The following ZDHHC21 variants were observed in gnomAD, a reference collection of about 807,000 sequenced individuals.
ZDHHC21 encodes zDHHC palmitoyltransferase 21.
A neutral mutation model predicts 34.6 loss-of-function variants in ZDHHC21; 15 were observed. The observed-to-expected ratio is 0.43, with a 90% CI of 0.29 to 0.67. The LOEUF (loss-of-function observed/expected upper bound fraction) is 0.67. Ranked by LOEUF, ZDHHC21 falls within the 30% of genes least tolerant of loss-of-function variation. The probability of loss-of-function intolerance (pLI) is 0.14; values close to 1 mark genes in which losing one functional copy is unlikely to be tolerated. For synonymous variants in ZDHHC21, 142 were observed against 101.8 expected, an observed-to-expected ratio of 1.40 and a Z score of -2.38; for missense variants, 344 against 327.7, an observed-to-expected ratio of 1.05 and a Z score of -0.38.
intron 3 of ZDHHC21, among the ~76,000 whole-genome samples, chr9:14,676,386 T>A (rs565426095): frequency 1.6e-4 from 24 of 152,038 alleles, no homozygotes; most frequent in Non-Finnish European, 2.9e-4. Context: ...GCCTTGCCCA[T>A]GTTCTTCAAA....
intron 8 of ZDHHC21, among the ~76,000 whole-genome samples, chr9:14,628,074 G>A (rs922147632): frequency 6.6e-5 from 10 of 152,014 alleles, no homozygotes; most frequent in Admixed American, 1.3e-4. Context: ...GCACAAAAAC[G>A]TATATTTAAA....
At chr9:14,654,137 G>A (rs1831757660) in intron 7 of ZDHHC21, among the ~76,000 whole-genome samples, 1 of 151,908 alleles carries the variant, frequency 6.6e-6, no homozygotes, top group Admixed American at 6.6e-5. Flanking sequence ...GTAACTGTAG[G>A]GCACAATCCA....
the ZDHHC21 span, among the ~76,000 whole-genome samples, chr9:14,599,976 CAACA>C: frequency 1.3e-5 from 2 of 152,168 alleles, no homozygotes; most frequent in Non-Finnish European, 2.9e-5. Flanking sequence ...TAAAAACTCT[CAACA>C]AACTAGGTAT....
intron 2 of ZDHHC21, among the ~76,000 whole-genome samples, chr9:14,682,092 GA>G (rs1169339862): frequency 6.6e-6 from 1 of 152,074 alleles, no homozygotes; most frequent in Admixed American, 6.6e-5. Context: ...AAATATGCCA[GA>G]CTGTAAAGAC....
chr9:14,623,119 G>C (rs1348033747), intron 8 of ZDHHC21, among the ~76,000 whole-genome samples: 2 of 149,758 alleles, frequency 1.3e-5, no homozygotes, highest in Admixed American at 1.3e-4. Flanking sequence ...CCTGGATAAG[G>C]ATTTTTTAGG....
At chr9:14,610,932 T>C (rs1823205990), downstream of ZDHHC21, 1 of 152,028 alleles carries the variant, frequency 6.6e-6, no homozygotes, top group Middle Eastern at 3.2e-3. Context: ...GGCAGAACAA[T>C]ATCCTAAGGC....
chr9:14,686,158 C>A (rs1157686223), intron 2 of ZDHHC21, among the ~76,000 whole-genome samples: 2 of 151,388 alleles, frequency 1.3e-5, no homozygotes, highest in Non-Finnish European at 2.9e-5. Context: ...ACCTATGTAA[C>A]AAACCTGCAT....
At chr9:14,655,985 ATAGT>A (rs1832135492) in intron 7 of ZDHHC21, among the ~76,000 whole-genome samples, 1 of 150,694 alleles carries the variant, frequency 6.6e-6, no homozygotes, top group South Asian at 2.2e-4. Flanking sequence ...GACAACTGAT[ATAGT>A]TAAACTAATA....
the ZDHHC21 span, among the ~76,000 whole-genome samples, chr9:14,596,659 T>G: frequency 1.3e-5 from 2 of 152,280 alleles, no homozygotes; most frequent in South Asian, 4.1e-4. Flanking sequence ...CTTTGTCTAT[T>G]GCTTCATTCC....
intron 1 of ZDHHC21, among the ~76,000 whole-genome samples, chr9:14,692,683 T>C (rs1224893896): frequency 3.3e-5 from 5 of 152,018 alleles, no homozygotes; most frequent in Admixed American, 2.6e-4. Context: ...CATAAGCCAT[T>C]TTCCGAAAAC....
chr9:14,661,907 G>C (rs1490261845), intron 6 of ZDHHC21, among the ~76,000 whole-genome samples: 3 of 152,126 alleles, frequency 2.0e-5, no homozygotes, highest in African/African-American at 7.2e-5. Flanking sequence ...CTACTTGTCA[G>C]ATATTGTAGT....
chr9:14,607,627 C>T (rs544354451), downstream of ZDHHC21, among the ~76,000 whole-genome samples: 67 of 97,076 alleles, frequency 6.9e-4, no homozygotes, highest in African/African-American at 2.6e-3. Context: ...GGGCTGGGGG[C>T]GGGGGGGAAG....
chr9:14,665,491 C>T (rs1427411250), intron 5 of ZDHHC21, among the ~76,000 whole-genome samples: 2 of 151,508 alleles, frequency 1.3e-5, no homozygotes, highest in Non-Finnish European at 2.9e-5. Flanking sequence ...TCAGGAAATA[C>T]AGAGAACGCC....
At chr9:14,593,120 A>G in the ZDHHC21 span, among the ~76,000 whole-genome samples, 1 of 152,128 alleles carries the variant, frequency 6.6e-6, no homozygotes, top group African/African-American at 2.4e-5. Context: ...AGCAAGTAGA[A>G]AAAAAGAAAT....
At chr9:14,684,830 C>A (rs528050641) in intron 2 of ZDHHC21, among the ~76,000 whole-genome samples, 1 of 152,038 alleles carries the variant, frequency 6.6e-6, no homozygotes, top group African/African-American at 2.4e-5. Flanking sequence ...AACCAAAACA[C>A]CATGGTACTG....
rs1376798307 is a variant in ZDHHC21, at chr9:14,616,199, T to C, written c.*2767A>G. On this transcript the variant is annotated 3_prime_UTR_variant, in exon 10 of 10. Transcript: ENST00000380916. ...TGGTTGTCTTTGTAGCTACAATACA[T>C]TTCTATGTTTTGTAATAAATTGGTA... 1 of 151,774 alleles carries C rather than the reference T, an allele frequency of 6.6e-6. No individual in the cohort carries two copies. Among genetic ancestry groups the C allele is most frequent in the African/African-American group, 2.4e-5 (1 of 41,422 alleles). 9.4% of individuals were successfully genotyped at this position (151,774 alleles called of 1,614,324 possible).
At chr9:14,680,776 A>C (rs1011094641) in intron 2 of ZDHHC21, among the ~76,000 whole-genome samples, 1 of 152,220 alleles carries the variant, frequency 6.6e-6, no homozygotes, top group African/African-American at 2.4e-5. Flanking sequence ...CTCTATCTTC[A>C]ATGGAGGCAG....
Position 14,611,546 on chromosome 9 carries a change from T to C in ZDHHC21, c.*7420A>G, listed in dbSNP as rs1319657812. The C allele has an allele frequency of 6.6e-6, 1 of 151,958 alleles. No homozygotes were observed. The highest frequency in any genetic ancestry group is 1.5e-5 in the Non-Finnish European group (1 of 67,940). 9.4% of individuals were successfully genotyped at this position (151,958 alleles called of 1,614,324 possible). ...ACTGAATAATAAAATGCCTGACAAA[T>C]TTAAAAACAGGATCTTCTTATGCCA... On this transcript the variant is annotated 3_prime_UTR_variant, in exon 10 of 10. Coordinates refer to ENST00000380916, the MANE Select transcript of ZDHHC21 (RefSeq NM_178566.6).
intron 2 of ZDHHC21, among the ~76,000 whole-genome samples, chr9:14,685,998 T>A (rs1838253740): frequency 6.7e-6 from 1 of 148,914 alleles, no homozygotes; most frequent in East Asian, 2.0e-4. Context: ...AGGTGGGAAC[T>A]GAACAGTGAG....
Sources: gnomAD v4.1 joint callset for allele counts (sites outside exome capture counted in the v4.1 genomes callset) on GRCh38, gnomAD v4.1.1 for gene constraint, MANE v1.5 for transcripts, NCBI Gene and HGNC (gene_info 2026-07-23, HGNC 2026-07-21) for gene names.